The following TRIM51 variants were observed in gnomAD, a reference collection of about 807,000 sequenced individuals.
The protein encoded by TRIM51 is tripartite motif-containing 51, also known as tripartite motif-containing protein 51.
TRIM51 carries 23 observed loss-of-function variants against 32.7 expected under a neutral mutation model. The ratio of observed to expected loss-of-function variants is 0.70; its 90% CI spans 0.51 to 1.00. The LOEUF (loss-of-function observed/expected upper bound fraction) is 1.00, where lower values mean the gene tolerates loss of function less well. Among genes scored for constraint, TRIM51 ranks in the 50% least tolerant of loss-of-function variants. The probability of loss-of-function intolerance (pLI) is 0.00; values close to 1 mark genes in which losing one functional copy is unlikely to be tolerated. For synonymous variants in TRIM51, 177 were observed against 181.9 expected (o/e 0.97, Z 0.22); for missense variants, 592 against 539.2 (o/e 1.10, Z -0.97).
chr11:55,887,424 A>C (rs866683395), intron 3 of TRIM51, among the ~76,000 whole-genome samples: 1 of 151,722 alleles, frequency 6.6e-6, no homozygotes, highest in Non-Finnish European at 1.5e-5. Flanking sequence ...ATGAGTACAT[A>C]TATGAGAAAT....
intron 5 of TRIM51, among the ~76,000 whole-genome samples, chr11:55,889,256 G>T (rs930280131): frequency 1.3e-4 from 19 of 151,740 alleles, no homozygotes; most frequent in African/African-American, 4.6e-4. Flanking sequence ...ATAAACGAAA[G>T]AAAAATAAAG....
At chr11:55,884,068 G>A (rs1470642299) in intron 1 of TRIM51, among the ~76,000 whole-genome samples, 1 of 149,470 alleles carries the variant, frequency 6.7e-6, no homozygotes, top group Non-Finnish European at 1.5e-5. Context: ...TAAGGTAAAG[G>A]ACTTCAAACT....
Position 55,885,502 on chromosome 11 carries a change from C to A in TRIM51, c.74C>A (p.Pro25Gln). The A allele has an allele frequency of 6.2e-7, 1 of 1,612,018 alleles. No individual in the cohort carries two copies. Among genetic ancestry groups the A allele is most frequent in the Non-Finnish European group, 8.5e-7 (1 of 1,179,728 alleles). The change falls in exon 2 of 7, where the codon CCA (proline) becomes CAA (glutamine). Residue 25 changes from proline (P) to glutamine (Q), a missense_variant. Physicochemically the swap from Pro to Gln is moderately conservative, Grantham distance 76 (BLOSUM62 -1). Coordinates refer to ENST00000449290, the MANE Select transcript of TRIM51 (RefSeq NM_032681.4). ...CPICMNYFLD[P>Q]VTIDCGHSFC... is the part of the protein sequence containing the mutation. The stretch of plus-strand genomic sequence containing the variant: ...ATCTGCATGAACTACTTCCTAGACC[C>A]AGTCACCATAGACTGTGGGCACAGC...
chr11:55,887,527 A>C (rs184556114), intron 3 of TRIM51, among the ~76,000 whole-genome samples: 1 of 152,088 alleles, frequency 6.6e-6, no homozygotes, highest in Non-Finnish European at 1.5e-5. Context: ...AGGAACCACA[A>C]AGAAGCCCAT....
chr11:55,891,458 C>T lies in TRIM51; in HGVS notation c.1185C>T (p.Ser395=). 1.9e-6 allele frequency: 3 copies of T among 1,613,208 alleles called. No individual in the cohort carries two copies. The highest frequency in any genetic ancestry group is 2.2e-5 in the East Asian group (1 of 44,870). The change falls in exon 7 of 7, where the codon TCC becomes TCT. Residue 395 remains serine (S), a synonymous_variant. Coordinates refer to ENST00000449290, the MANE Select transcript of TRIM51 (RefSeq NM_032681.4). ...EDTHCSLFTT[S]PLVVQYVPRP... is the part of the protein sequence containing the mutation. ...CTCACTGCAGTCTCTTTACCACCTC[C>T]CCACTTGTGGTGCAATATGTTCCAA...
chr11:55,885,562 A>C lies in TRIM51; in HGVS notation c.134A>C (p.Asp45Ala), dbSNP rs1167663890. Residue 45 changes from aspartate to alanine, a missense_variant, in exon 2 of 7, where the codon GAC (aspartate) becomes GCC (alanine). Transcript: ENST00000449290. Reference protein sequence around the residue: ...CRPCLYLNWQDTAVLAQCSEC... With the variant: ...CRPCLYLNWQATAVLAQCSEC... ...CCCTGTTTGTACCTCAACTGGCAAG[A>C]CACGGCAGTTCTTGCTCAGTGCTCT... 4.3e-6 allele frequency: 7 copies of C among 1,611,892 alleles called. 1 individual carries two copies. Among genetic ancestry groups the C allele is most frequent in the Non-Finnish European group, 5.9e-6 (7 of 1,179,772 alleles).
intron 3 of TRIM51, among the ~76,000 whole-genome samples, chr11:55,886,590 T>G (rs200718149): frequency 1.3e-3 from 202 of 152,278 alleles, no homozygotes; most frequent in South Asian, 2.5e-3. Context: ...TGAGTCAGTA[T>G]GAATTTGAAT....
rs1854637669 is a variant in TRIM51, at chr11:55,890,765, A to C, written c.860-368A>C. ...AGCTAAAATCTTCCCATTCTTGCCA[A>C]AATTATATCACTAGTATTTAAGAAC... On this transcript the variant is annotated intron_variant, in intron 6 of 6. Transcript: ENST00000449290. Among the ~76,000 whole-genome samples the C allele has an allele frequency of 2.0e-5, 3 of 152,154 alleles. 1 individual carries two copies. In the South Asian group the frequency reaches 6.2e-4, roughly 32 times the overall value.
At position 55,891,448 on chromosome 11, in the gene TRIM51, T is replaced by C. The variant is rs1854648913; in HGVS notation, c.1175T>C (p.Phe392Ser). 6.2e-7 allele frequency: 1 copy of C among 1,613,024 alleles called. No individual in the cohort carries two copies. Among genetic ancestry groups the C allele is most frequent in the African/African-American group, 1.3e-5 (1 of 74,880 alleles). Reference protein sequence around the residue: ...CVKEDTHCSLFTTSPLVVQYV... With the variant: ...CVKEDTHCSLSTTSPLVVQYV... Reference sequence around the variant, plus strand: ...AAGGAGGACACTCACTGCAGTCTCTTTACCACCTCCCCACTTGTGGTGCAA... The same window carrying C: ...AAGGAGGACACTCACTGCAGTCTCTCTACCACCTCCCCACTTGTGGTGCAA... Residue 392 changes from phenylalanine (F) to serine (S), a missense_variant, in exon 7 of 7, where the codon TTT becomes TCT. Physicochemically the swap from Phe to Ser is radical, Grantham distance 155. Coordinates refer to ENST00000449290, the MANE Select transcript of TRIM51 (RefSeq NM_032681.4).
chr11:55,883,611 T>C (rs1252941830), intron 1 of TRIM51, among the ~76,000 whole-genome samples: 1 of 152,206 alleles, frequency 6.6e-6, no homozygotes, highest in Non-Finnish European at 1.5e-5. Context: ...ATCTAGTGTT[T>C]GCTGCAATAG....
chr11:55,888,247 T>C lies in TRIM51; in HGVS notation c.723T>C (p.Asp241=), dbSNP rs775729772. ...TGAAGCAAATGTGCCATAAAGCAGA[T>C]GTGGAGCTACTCCAGGTATGGACTG... is the stretch of plus-strand genomic sequence containing the variant. ...EDLKQMCHKA[D]VELLQAFGDI... Residue 241 remains aspartate, a synonymous_variant, in exon 4 of 7, where the codon GAT becomes GAC. Transcript: ENST00000449290. 5 of 1,612,338 alleles carry C rather than the reference T, an allele frequency of 3.1e-6. No homozygotes were observed. Among genetic ancestry groups the C allele is most frequent in the Non-Finnish European group, 4.2e-6 (5 of 1,178,850 alleles).
intron 6 of TRIM51, 128 bp from the exon 7 acceptor site, chr11:55,891,005 C>T: frequency 1.5e-6 from 1 of 675,168 alleles, no homozygotes; most frequent in Non-Finnish European, 2.4e-6. Context: ...GTTGTAGTCA[C>T]AATTCTCCTG....
rs1854576095 is a variant in TRIM51, at chr11:55,886,205, C to A, written c.494C>A (p.Thr165Asn). 2 of 1,613,368 alleles carry A rather than the reference C, an allele frequency of 1.2e-6. No individual in the cohort carries two copies. The highest frequency in any genetic ancestry group is 1.7e-6 in the Non-Finnish European group (2 of 1,179,478). Residue 165 changes from threonine (T) to asparagine (N), a missense_variant, in exon 3 of 7, where the codon ACC becomes AAC. By Grantham distance (65) the Thr-to-Asn change is moderately conservative. Transcript: ENST00000449290. Reference sequence around the variant, plus strand: ...AATCTGAACATGGAAACCACAAGAACCAGATGCTGGAAGGTTAGTACCGTA... The same window carrying A: ...AATCTGAACATGGAAACCACAAGAAACAGATGCTGGAAGGTTAGTACCGTA... ...LRNLNMETTR[T>N]RCWKDYVSLR...
chr11:55,887,393 C>G (rs892677798), intron 3 of TRIM51, among the ~76,000 whole-genome samples: 10 of 150,274 alleles, frequency 6.7e-5, no homozygotes, highest in African/African-American at 2.5e-4. Flanking sequence ...CCATATATAC[C>G]TATATTTGAG....
intron 3 of TRIM51, among the ~76,000 whole-genome samples, 163 bp from the exon 4 acceptor site, chr11:55,887,869 A>C (rs1854596610): frequency 1.3e-5 from 2 of 150,762 alleles, no homozygotes; most frequent in Admixed American, 6.6e-5. Context: ...AACTATGTTG[A>C]TATTAGTACA....
rs556658129 is a variant in TRIM51, at chr11:55,891,583, G to C, written c.1310G>C (p.Cys437Ser). Residue 437 changes from cysteine (C) to serine (S), a missense_variant, in exon 7 of 7, where the codon TGC (cysteine) becomes TCC (serine). Cys to Ser is a moderately radical substitution (Grantham distance 112). Coordinates refer to ENST00000449290, the MANE Select transcript of TRIM51 (RefSeq NM_032681.4). ...QSSLIYTIPN[C>S]SFSPPLRPIF... ...TCCCTGATATACACCATCCCCAATT[G>C]CTCCTTCTCACCTCCTCTCAGGCCT... 1 of 1,613,326 alleles carries C rather than the reference G, an allele frequency of 6.2e-7. No individual in the cohort carries two copies. The highest frequency in any genetic ancestry group is 1.7e-5 in the Admixed American group (1 of 59,952).
At position 55,889,018 on chromosome 11, in the gene TRIM51, A is replaced by T. The variant is rs1337009067; in HGVS notation, c.761+17A>T. ...ATTACACAGGTGAGTGCACACCAAG[A>T]TTTTAGCAGATGCTTTCAGTTTCCA... On this transcript the variant is annotated intron_variant, in intron 5 of 6. Coordinates refer to ENST00000449290, the MANE Select transcript of TRIM51 (RefSeq NM_032681.4). 2.5e-6 allele frequency: 4 copies of T among 1,607,144 alleles called. No homozygotes were observed. Among genetic ancestry groups the T allele is most frequent in the Non-Finnish European group, 3.4e-6 (4 of 1,174,632 alleles).
In TRIM51 at chr11:55,891,003, C is replaced by A. The variant is rs181529118; in HGVS notation, c.860-130C>A. ...CTTATACTTTATTAAATGTTGTAGT[C>A]ACAATTCTCCTGTCCTTGTAACTTC... On this transcript the variant is annotated intron_variant, in intron 6 of 6. Coordinates refer to ENST00000449290, the MANE Select transcript of TRIM51 (RefSeq NM_032681.4). The A allele has an allele frequency of 2.9e-5, 19 of 662,322 alleles. No homozygotes were observed. The Admixed American group carries it at 4.7e-4, about 16-fold the overall frequency. The allele number at this position is 662,322 out of a possible 1,614,324, so 41.0% of individuals were successfully genotyped here. A position where few individuals can be genotyped will look rare whatever the true frequency, so the allele number is the denominator to read the frequency against.
chr11:55,885,790 A>G lies in TRIM51; in HGVS notation c.362A>G (p.His121Arg), dbSNP rs778022421. 6.2e-7 allele frequency: 1 copy of G among 1,611,824 alleles called. No individual in the cohort carries two copies. The highest frequency in any genetic ancestry group is 8.5e-7 in the Non-Finnish European group (1 of 1,179,706). Residue 121 changes from histidine to arginine, a missense_variant, in exon 2 of 7, where the codon CAC (histidine) becomes CGC (arginine). Physicochemically the swap from His to Arg is conservative, Grantham distance 29 (BLOSUM62 0). Coordinates refer to ENST00000449290, the MANE Select transcript of TRIM51 (RefSeq NM_032681.4). ...LCLPCSNSQE[H>R]RNHIHCPIEW... ...TTGCCGTGCTCCAACTCTCAGGAGC[A>G]CCGGAATCACATACACTGTCCCATT...
Sources: gnomAD v4.1 joint callset for allele counts (sites outside exome capture counted in the v4.1 genomes callset) on GRCh38, gnomAD v4.1.1 for gene constraint, MANE v1.5 for transcripts, NCBI Gene and HGNC (gene_info 2026-07-23, HGNC 2026-07-21) for gene names.